ZNF234: variants seen among roughly 807,000 people sequenced by gnomAD.
ZNF234 encodes the protein C2-H2 type zinc finger protein.
In ZNF234, 4 loss-of-function variants were observed where a neutral mutation model predicts 10.3. The observed-to-expected ratio is 0.39, with a 90% confidence interval of 0.19 to 0.89. The LOEUF is 0.89. Ranked by LOEUF, ZNF234 falls within the 40% of genes least tolerant of loss-of-function variation. The pLI, the probability that ZNF234 is intolerant of heterozygous loss-of-function variation, is 0.38. For synonymous variants in ZNF234, 258 were observed against 280.1 expected (o/e 0.92, Z 0.79); for missense variants, 711 against 836.1 (o/e 0.85, Z 1.85).
chr19:44,150,738 A>G (rs1968721258), intron 5 of ZNF234, among the ~76,000 whole-genome samples: 1 of 152,160 alleles, frequency 6.6e-6, no homozygotes. Flanking sequence ...TCAGATTGCC[A>G]TTCCTCTACT....
intron 3 of ZNF234, among the ~76,000 whole-genome samples, chr19:44,146,775 G>A (rs537236866): frequency 6.8e-6 from 1 of 148,094 alleles, no homozygotes; most frequent in South Asian, 2.2e-4. Context: ...ATCATATAGA[G>A]AAGCAAGGTG....
At chr19:44,155,282 G>A (rs1433491213) in intron 5 of ZNF234, among the ~76,000 whole-genome samples, 1 of 152,120 alleles carries the variant, frequency 6.6e-6, no homozygotes, top group Non-Finnish European at 1.5e-5. Context: ...TGAACAACTT[G>A]GGGGTTAGGG....
Position 44,144,665 on chromosome 19 carries a change from C to T in ZNF234, c.15+18C>T, listed in dbSNP as rs778437204. On this transcript the variant is annotated intron_variant, in intron 3 of 5. Coordinates refer to ENST00000426739, the MANE Select transcript of ZNF234 (RefSeq NM_006630.3). ...CATTCAAGGTGAATAAGGCTTGCCACTCTTGCTGTTAAAATTCCATCTCAC... is the reference window on the plus strand; with the variant it reads ...CATTCAAGGTGAATAAGGCTTGCCATTCTTGCTGTTAAAATTCCATCTCAC... 7 of 1,535,658 alleles carry T rather than the reference C, an allele frequency of 4.6e-6. No individual in the cohort carries two copies. Among genetic ancestry groups the T allele is most frequent in the Non-Finnish European group, 5.3e-6 (6 of 1,136,020 alleles).
At chr19:44,150,569 G>A in intron 5 of ZNF234, 64 bp downstream of exon 5, 1 of 1,368,298 alleles carries the variant, frequency 7.3e-7, no homozygotes, top group African/African-American at 1.5e-5. Flanking sequence ...TCTCTCCCCT[G>A]CTCTTGCTGC....
At chr19:44,150,290 A>T in intron 4 of ZNF234, 123 bp from the exon 5 acceptor site, 2 of 596,876 alleles carry the variant, frequency 3.4e-6, no homozygotes, top group Non-Finnish European at 5.4e-6. Context: ...AGGTTCTTCT[A>T]AAAGTGTTTG....
rs925854381 is a variant in ZNF234, at chr19:44,159,686, C to G, written c.*1567C>G. On this transcript the variant is annotated 3_prime_UTR_variant, in exon 6 of 6. Transcript: ENST00000426739. The stretch of plus-strand genomic sequence containing the variant: ...AATTTATTTGATTTCTGACTTTCCA[C>G]ATTTCCATCCAGACTTTGACATGAT... 2.3e-6 allele frequency: 1 copy of G among 434,158 alleles called. No homozygotes were observed. The highest frequency in any genetic ancestry group is 4.8e-6 in the Non-Finnish European group (1 of 206,230). 26.9% of individuals were successfully genotyped at this position (434,158 alleles called of 1,614,324 possible).
intron 3 of ZNF234, among the ~76,000 whole-genome samples, chr19:44,147,861 G>GA (rs531822989): frequency 5.5e-4 from 78 of 141,454 alleles, no homozygotes; most frequent in South Asian, 1.6e-3. Flanking sequence ...TCAAAAAAAA[G>GA]AAAAAAAAAA....
intron 5 of ZNF234, among the ~76,000 whole-genome samples, chr19:44,154,735 C>T (rs184914097): frequency 1.4e-3 from 208 of 149,036 alleles, no homozygotes; most frequent in South Asian, 2.9e-3. Context: ...TGAGTTCAAG[C>T]GATCCTCCAT....
chr19:44,152,709 A>T (rs1968772983), intron 5 of ZNF234, among the ~76,000 whole-genome samples: 1 of 152,138 alleles, frequency 6.6e-6, no homozygotes, highest in Admixed American at 6.6e-5. Context: ...CAAGAAGATA[A>T]CTATTTCCTA....
intron 5 of ZNF234, 34 bp downstream of exon 5, chr19:44,150,539 G>A: frequency 6.6e-7 from 1 of 1,512,712 alleles, no homozygotes; most frequent in Non-Finnish European, 8.9e-7. Context: ...CCTTGTACGT[G>A]ATTGTCCATC....
rs777679017 is a variant in ZNF234 at position 44,159,582 on chromosome 19, T to C, written c.*1463T>C. The C allele has an allele frequency of 8.7e-6, 4 of 457,242 alleles. No individual in the cohort carries two copies. Among genetic ancestry groups the C allele is most frequent in the South Asian group, 4.6e-5 (3 of 64,778 alleles). The allele number at this position is 457,242 out of a possible 1,614,324, so 28.3% of individuals were successfully genotyped here. On this transcript the variant is annotated 3_prime_UTR_variant, in exon 6 of 6. Coordinates refer to ENST00000426739, the MANE Select transcript of ZNF234 (RefSeq NM_006630.3). Reference sequence around the variant, plus strand: ...CACAATTGAGTTTTTAATCCATTAATGTTAAGGCAGGGGTTTACTCTAACA... The same window carrying C: ...CACAATTGAGTTTTTAATCCATTAACGTTAAGGCAGGGGTTTACTCTAACA...
rs751863534 is a variant in ZNF234 at position 44,157,509 on chromosome 19, A to G, written c.1493A>G (p.Asp498Gly). 5.0e-6 allele frequency: 8 copies of G among 1,614,164 alleles called. No homozygotes were observed. The South Asian group carries it at 8.8e-5, about 18-fold the overall frequency. Residue 498 changes from aspartate to glycine, a missense_variant, in exon 6 of 6, where the codon GAT becomes GGT. Transcript: ENST00000426739. ...ECGKGFSRRA[D>G]LKIHCRIHTG... The stretch of plus-strand genomic sequence containing the variant: ...GGAAAGGGATTTAGTCGTAGAGCAG[A>G]TCTTAAAATTCATTGTAGGATCCAC...
At chr19:44,143,567 C>T (rs1007887458) in intron 2 of ZNF234, among the ~76,000 whole-genome samples, 2 of 151,748 alleles carry the variant, frequency 1.3e-5, no homozygotes, top group East Asian at 3.9e-4. Flanking sequence ...CGAGATTGCG[C>T]CATTGCACCC....
At chr19:44,154,774 G>T (rs977361528) in intron 5 of ZNF234, among the ~76,000 whole-genome samples, 3 of 151,482 alleles carry the variant, frequency 2.0e-5, no homozygotes, top group African/African-American at 7.3e-5. Context: ...GTTAACTACG[G>T]GTGCGTGCCA....
chr19:44,155,770 T>C (rs1968864169), intron 5 of ZNF234, among the ~76,000 whole-genome samples: 1 of 152,208 alleles, frequency 6.6e-6, no homozygotes, highest in African/African-American at 2.4e-5. Context: ...TTTTTAACTT[T>C]TAATATTTTT....
In ZNF234 at chr19:44,150,505, G is replaced by C. The variant is rs746013285; in HGVS notation, c.235G>C (p.Ala79Pro). The C allele has an allele frequency of 1.3e-5, 20 of 1,575,504 alleles. No homozygotes were observed. The highest frequency in any genetic ancestry group is 7.0e-5 in the South Asian group (6 of 85,744). ...AGCAACTCAAAGAAAAGGGAAATCA[G>C]GTAAGAACCAAGCAGCTAAGAGTCC... Reference protein sequence around the residue: ...KTATQRKGKSADKIQSEVETV... With the variant: ...KTATQRKGKSPDKIQSEVETV... Residue 79 changes from alanine to proline, a missense_variant and splice_region_variant, in exon 5 of 6, where the codon GCA becomes CCA. Ala to Pro is a conservative substitution (Grantham distance 27). Coordinates refer to ENST00000426739, the MANE Select transcript of ZNF234 (RefSeq NM_006630.3).
In ZNF234 at chr19:44,160,211, AAG is replaced by A. The variant is rs1968998687; in HGVS notation, c.*2095_*2096del. 2 of 152,160 alleles carry A rather than the reference AAG, an allele frequency of 1.3e-5. No individual in the cohort carries two copies. Among genetic ancestry groups the A allele is most frequent in the African/African-American group, 4.8e-5 (2 of 41,420 alleles). 9.4% of individuals were successfully genotyped at this position (152,160 alleles called of 1,614,324 possible). A position where few individuals can be genotyped will look rare whatever the true frequency, so the allele number is the denominator to read the frequency against. ...CTGGCAGTAAAACATGGGTTTAAGG[AAG>A]AGTGTTTTTCAGAATTTACACTGTA... On this transcript the variant is annotated 3_prime_UTR_variant, in exon 6 of 6. Transcript: ENST00000426739.
rs755995827 is a variant in ZNF234, at chr19:44,157,454, G to C, written c.1438G>C (p.Gly480Arg). The C allele has an allele frequency of 6.2e-7, 1 of 1,613,902 alleles. No homozygotes were observed. The highest frequency in any genetic ancestry group is 1.1e-5 in the South Asian group (1 of 91,086). ...RLQIHQLIHTGEKPYKCEECG... is the reference protein window; with the variant it reads ...RLQIHQLIHTREKPYKCEECG... The stretch of plus-strand genomic sequence containing the variant: ...TCAGATTCACCAGCTGATCCATACC[G>C]GTGAGAAACCATACAAATGTGAAGA... The change falls in exon 6 of 6, where the codon GGT becomes CGT. Residue 480 changes from glycine to arginine, a missense_variant. Gly to Arg is a moderately radical substitution (Grantham distance 125, BLOSUM62 -2). Transcript: ENST00000426739.
Position 44,157,647 on chromosome 19 carries a change from A to G in ZNF234, c.1631A>G (p.Glu544Gly). The change falls in exon 6 of 6, where the codon GAG becomes GGG. Residue 544 changes from glutamate to glycine, a missense_variant. Coordinates refer to ENST00000426739, the MANE Select transcript of ZNF234 (RefSeq NM_006630.3). ...GGGGAAAAACCATTTAAATGTGAAGAGTGTGGGAAGAGCTTCAGTCGGAGT... is the reference window on the plus strand; with the variant it reads ...GGGGAAAAACCATTTAAATGTGAAGGGTGTGGGAAGAGCTTCAGTCGGAGT... ...HSGEKPFKCE[E>G]CGKSFSRSAH... 1 of 1,613,550 alleles carries G rather than the reference A, an allele frequency of 6.2e-7. No individual in the cohort carries two copies. The highest frequency in any genetic ancestry group is 8.5e-7 in the Non-Finnish European group (1 of 1,179,882).
Sources: gnomAD v4.1 joint callset for allele counts (sites outside exome capture counted in the v4.1 genomes callset) on GRCh38, gnomAD v4.1.1 for gene constraint, MANE v1.5 for transcripts, NCBI Gene and HGNC (gene_info 2026-07-23, HGNC 2026-07-21) for gene names.